The following ZNF121 variants were observed in gnomAD, a reference collection of about 807,000 sequenced individuals.
The protein encoded by ZNF121 is zinc finger protein 121.
ZNF121 carries 1 observed loss-of-function variant against 2.4 expected under a neutral mutation model. The ratio of observed to expected loss-of-function variants is 0.41; its 90% CI spans 0.15 to 1.94. The LOEUF is 1.94. Ranked by LOEUF, ZNF121 falls within the 30% of genes most tolerant of loss-of-function variation. The pLI is 0.30. For synonymous variants in ZNF121, 173 were observed against 158.6 expected, an observed-to-expected ratio of 1.09 and a Z score of -0.68; for missense variants, 369 against 466.3, an observed-to-expected ratio of 0.79 and a Z score of 1.92.
chr19:9,566,196 T>C lies in ZNF121; in HGVS notation c.917A>G (p.His306Arg). The C allele has an allele frequency of 6.2e-7, 1 of 1,614,190 alleles. No individual in the cohort carries two copies. The highest frequency in any genetic ancestry group is 8.5e-7 in the Non-Finnish European group (1 of 1,180,040). Residue 306 changes from histidine (H) to arginine (R), a missense_variant, in exon 4 of 4, where the codon CAT (histidine) becomes CGT (arginine). Physicochemically the swap from His to Arg is conservative, Grantham distance 29. Around this residue, in one of 4 missense-constraint regions of ZNF121, gnomAD observed 127 missense variants for 169.9 expected, o/e 0.75. Transcript: ENST00000320451. ...SSSLHNHVKIHTGEKPYECKD... is the reference protein window; with the variant it reads ...SSSLHNHVKIRTGEKPYECKD... ...ACATTCATAGGGCTTCTCTCCAGTATGGATTTTTACATGATTATGTAAGCT... is the reference window on the plus strand; with the variant it reads ...ACATTCATAGGGCTTCTCTCCAGTACGGATTTTTACATGATTATGTAAGCT...
rs958910794 is a variant in ZNF121 at position 9,560,687 on chromosome 19, G to A, written c.*5253C>T. The A allele has an allele frequency of 1.2e-4, 19 of 152,228 alleles. No individual in the cohort carries two copies. Among genetic ancestry groups the A allele is most frequent in the Admixed American group, 7.8e-4 (12 of 15,290 alleles). 9.4% of individuals were successfully genotyped at this position (152,228 alleles called of 1,614,324 possible). On this transcript the variant is annotated 3_prime_UTR_variant, in exon 4 of 4. Transcript: ENST00000320451. ...AAGGCTAAATGATATTGCATTGTATGTATATAATGCATTTTGTTTACCAAT... is the reference window on the plus strand; with the variant it reads ...AAGGCTAAATGATATTGCATTGTATATATATAATGCATTTTGTTTACCAAT...
intron 1 of ZNF121, among the ~76,000 whole-genome samples, chr19:9,572,002 C>A (rs568927119): frequency 1.1e-3 from 162 of 152,270 alleles, no homozygotes; most frequent in African/African-American, 3.7e-3. Context: ...TGGTCTCAAG[C>A]AATCCTCCCA....
At chr19:9,583,887 TCA>T (rs1421540689) in intron 1 of ZNF121, among the ~76,000 whole-genome samples, 1 of 152,156 alleles carries the variant, frequency 6.6e-6, no homozygotes, top group Non-Finnish European at 1.5e-5. Flanking sequence ...AACTAAAGGC[TCA>T]CAGTCTACAC....
chr19:9,580,221 G>T, intron 1 of ZNF121, among the ~76,000 whole-genome samples: 1 of 152,026 alleles, frequency 6.6e-6, no homozygotes. Context: ...GAACTCGGGA[G>T]GCAGAGTTTG....
At chr19:9,577,944 GCA>G (rs993441413) in intron 1 of ZNF121, among the ~76,000 whole-genome samples, 10 of 151,526 alleles carry the variant, frequency 6.6e-5, no homozygotes, top group African/African-American at 2.4e-4. Context: ...TGTAATCCCA[GCA>G]CTCTGGGAGG....
intron 1 of ZNF121, among the ~76,000 whole-genome samples, chr19:9,575,212 G>A (rs1438847212): frequency 1.3e-5 from 2 of 152,152 alleles, no homozygotes; most frequent in Admixed American, 1.3e-4. Flanking sequence ...CTGACATCAC[G>A]AGTTAGAGAC....
chr19:9,584,277 C>T (rs2074269559), intron 1 of ZNF121, 184 bp downstream of exon 1: 1 of 152,248 alleles, frequency 6.6e-6, no homozygotes, highest in Non-Finnish European at 1.5e-5. Context: ...CACTTCCCGA[C>T]CTGGCTCCTG....
intron 1 of ZNF121, among the ~76,000 whole-genome samples, chr19:9,583,361 T>C (rs541562658): frequency 1.3e-5 from 2 of 150,768 alleles, no homozygotes; most frequent in African/African-American, 4.9e-5. Flanking sequence ...AGTTTCGCTC[T>C]CATCGCCCAG....
rs149380379 is a variant in ZNF121 at position 9,566,701 on chromosome 19, G to A, written c.412C>T (p.His138Tyr). 44 of 1,614,206 alleles carry A rather than the reference G, an allele frequency of 2.7e-5. No homozygotes were observed. In the African/African-American group the frequency reaches 5.7e-4, roughly 21 times the overall value. ...CATTCGTAGGGTTTTTCTACAGTAT[G>A]CATTTTAACAGACACAGCATGGCTT... is the stretch of plus-strand genomic sequence containing the variant. ...STSHAVSVKM[H>Y]TVEKPYECKE... Residue 138 changes from histidine to tyrosine, a missense_variant, in exon 4 of 4, where the codon CAT becomes TAT. Transcript: ENST00000320451.
chr19:9,565,932 GT>G lies in ZNF121; in HGVS notation c.*7del. On this transcript the variant is annotated 3_prime_UTR_variant, in exon 4 of 4. Transcript: ENST00000320451. ...GATTTCCACATTCCTTACATTCAGA[GT>G]TTTTCTTCAGTGTGTTTTTAAATGT... is the stretch of plus-strand genomic sequence containing the variant. 6.5e-7 allele frequency: 1 copy of G among 1,528,666 alleles called. No homozygotes were observed. The highest frequency in any genetic ancestry group is 8.8e-7 in the Non-Finnish European group (1 of 1,135,116). 94.7% of individuals were successfully genotyped at this position (1,528,666 alleles called of 1,614,324 possible). A position where few individuals can be genotyped will look rare whatever the true frequency, so the allele number is the denominator to read the frequency against.
At chr19:9,574,378 T>C (rs886523790) in intron 1 of ZNF121, among the ~76,000 whole-genome samples, 1 of 151,990 alleles carries the variant, frequency 6.6e-6, no homozygotes, top group Admixed American at 6.6e-5. Flanking sequence ...ATGGTCTCAA[T>C]CTCCTGATCC....
At chr19:9,569,825 G>A (rs928096899) in intron 1 of ZNF121, among the ~76,000 whole-genome samples, 3 of 146,012 alleles carry the variant, frequency 2.1e-5, no homozygotes, top group Admixed American at 6.8e-5. Context: ...GAGCCACCAC[G>A]CCTGGCCGAG....
chr19:9,567,787 A>G (rs1471544098), intron 3 of ZNF121: 3 of 272,098 alleles, frequency 1.1e-5, no homozygotes, highest in African/African-American at 6.4e-5. Context: ...GGTTCACAGT[A>G]AGGTTTGTGC....
chr19:9,580,680 G>C (rs1281894947), intron 1 of ZNF121, among the ~76,000 whole-genome samples: 1 of 152,216 alleles, frequency 6.6e-6, no homozygotes, highest in Non-Finnish European at 1.5e-5. Context: ...CTGCACTGCA[G>C]GCTTCCCAAG....
At position 9,583,899 on chromosome 19, in the gene ZNF121, C is replaced by A. The variant is rs545462939; in HGVS notation, c.-160+562G>T. On this transcript the variant is annotated intron_variant, in intron 1 of 3. Transcript: ENST00000320451. Reference sequence around the variant, plus strand: ...AGAAACTAAAGGCTCACAGTCTACACGTGTTCATATTTACATGCAGATATA... The same window carrying A: ...AGAAACTAAAGGCTCACAGTCTACAAGTGTTCATATTTACATGCAGATATA... Among the ~76,000 whole-genome samples the A allele has an allele frequency of 2.7e-4, 41 of 152,332 alleles. 1 individual carries two copies. The South Asian group carries it at 8.3e-3, about 31-fold the overall frequency.
At chr19:9,582,748 C>CAAA (rs78215890) in intron 1 of ZNF121, among the ~76,000 whole-genome samples, 3 of 52,568 alleles carry the variant, frequency 5.7e-5, no homozygotes, top group African/African-American at 7.1e-5. Context: ...GACTCTGTCT[C>CAAA]AAAAAAAAAA....
chr19:9,573,520 C>A (rs2074188537), intron 1 of ZNF121, among the ~76,000 whole-genome samples: 1 of 152,220 alleles, frequency 6.6e-6, no homozygotes, highest in South Asian at 2.1e-4. Context: ...CTTGAAAGAC[C>A]AAACCTAGGA....
intron 3 of ZNF121, chr19:9,567,671 C>T (rs1486575749): frequency 2.9e-6 from 1 of 346,028 alleles, no homozygotes; most frequent in South Asian, 2.6e-5. Context: ...CAGCAGGAGG[C>T]CTGAGCTTGT....
In ZNF121 at chr19:9,566,622, C is replaced by T. The variant is rs2074133986; in HGVS notation, c.491G>A (p.Arg164Gln). 2.5e-6 allele frequency: 4 copies of T among 1,614,026 alleles called. No homozygotes were observed. The highest frequency in any genetic ancestry group is 2.5e-6 in the Non-Finnish European group (3 of 1,180,018). The change falls in exon 4 of 4, where the codon CGA becomes CAA. Residue 164 changes from arginine to glutamine, a missense_variant. Physicochemically the swap from Arg to Gln is conservative, Grantham distance 43 (BLOSUM62 1). Coordinates refer to ENST00000320451, the MANE Select transcript of ZNF121 (RefSeq NM_001008727.5). ...ATAGGGTTTCTCCCCAGTATGGGTT[C>T]GCATGTGACTATTAAGATATGAAGA... ...RYSSYLNSHM[R>Q]THTGEKPYEC...
Sources: gnomAD v4.1 joint callset for allele counts (sites outside exome capture counted in the v4.1 genomes callset) on GRCh38, gnomAD v4.1.1 for gene constraint, gnomAD v4.1.1 regional missense constraint, MANE v1.5 for transcripts, NCBI Gene and HGNC (gene_info 2026-07-23, HGNC 2026-07-21) for gene names.